The following PTPRT variants were observed in gnomAD, a reference collection of about 807,000 sequenced individuals.
PTPRT encodes receptor-type tyrosine-protein phosphatase T.
PTPRT carries 56 observed loss-of-function variants against 176.8 expected under a neutral mutation model. The ratio of observed to expected loss-of-function variants is 0.32; its 90% CI spans 0.26 to 0.40. The LOEUF (loss-of-function observed/expected upper bound fraction) is 0.40, where lower values mean the gene tolerates loss of function less well. PTPRT is among the 10% of genes least tolerant of loss of function. The pLI is 1.00. For missense variants in PTPRT, 1,540 were observed against 1,908.2 expected (o/e 0.81, Z 3.60); for synonymous variants, 783 against 739.0 (o/e 1.06, Z -0.96).
chr20:42,303,152 C>A (rs537474785), intron 12 of PTPRT, among the ~76,000 whole-genome samples: 82 of 152,288 alleles, frequency 5.4e-4, no homozygotes, highest in Admixed American at 9.1e-4. Flanking sequence ...TGCTTCCCTG[C>A]GCAGCTCTTA....
At chr20:42,193,110 G>C (rs949368490) in intron 16 of PTPRT, among the ~76,000 whole-genome samples, 2 of 152,154 alleles carry the variant, frequency 1.3e-5, no homozygotes, top group Non-Finnish European at 2.9e-5. Flanking sequence ...TGGGGTCCAG[G>C]GCCCATTATC....
intron 3 of PTPRT, among the ~76,000 whole-genome samples, chr20:42,790,322 G>A (rs208246): frequency 0.42 from 63,028 of 151,674 alleles, 14,036 homozygotes; most frequent in East Asian, 0.64. Flanking sequence ...CAATCTGTGC[G>A]CTGTGTGCAT....
intron 2 of PTPRT, among the ~76,000 whole-genome samples, chr20:42,802,346 G>A (rs913570696): frequency 6.6e-6 from 1 of 152,186 alleles, no homozygotes; most frequent in Non-Finnish European, 1.5e-5. Flanking sequence ...CCTGGGCCAC[G>A]CCCTGCCTAC....
chr20:43,176,356 C>T (rs1263689949), intron 1 of PTPRT, among the ~76,000 whole-genome samples: 1 of 152,272 alleles, frequency 6.6e-6, no homozygotes, highest in Admixed American at 6.5e-5. Context: ...TATGATTGCA[C>T]AGCAGCACAA....
chr20:42,985,675 G>T (rs1162190774), intron 1 of PTPRT, among the ~76,000 whole-genome samples: 1 of 151,536 alleles, frequency 6.6e-6, no homozygotes, highest in Non-Finnish European at 1.5e-5. Flanking sequence ...GAATGAAGGT[G>T]GTAAATACTA....
In PTPRT at chr20:42,283,976, G is replaced by A. The variant is rs536596156; in HGVS notation, c.2140-1451C>T. Among the ~76,000 whole-genome samples the A allele has an allele frequency of 1.6e-3, 244 of 152,116 alleles. 2 individuals are homozygous for A. The highest frequency in any genetic ancestry group is 6.8e-3 in the Middle Eastern group (2 of 294). ...TTGATTCTTTTCCTCAAAATGCACA[G>A]AAAGTCTGCTTTTGCTTGTGTAAAA... On this transcript the variant is annotated intron_variant, in intron 12 of 30. Coordinates refer to ENST00000373187, the MANE Select transcript of PTPRT (RefSeq NM_007050.6).
rs1491440526 is a variant in PTPRT, at chr20:42,886,049, CCA to C, written c.89-119_89-118del. On this transcript the variant is annotated intron_variant, in intron 1 of 30. Coordinates refer to ENST00000373187, the MANE Select transcript of PTPRT (RefSeq NM_007050.6). Reference sequence around the variant, plus strand: ...AATTTTAAACTCTGGAGAAGATTTTCCATATATATATATATATATATAAAAGA... The same window carrying C: ...AATTTTAAACTCTGGAGAAGATTTTCTATATATATATATATATATAAAAGA... 2.9e-3 allele frequency: 1,245 copies of C among 431,362 alleles called. 22 individuals carry two copies. The highest frequency in any genetic ancestry group is 0.027 in the African/African-American group (1,181 of 44,394). 26.7% of individuals were successfully genotyped at this position (431,362 alleles called of 1,614,324 possible).
At position 43,149,739 on chromosome 20, in the gene PTPRT, G is replaced by A. The variant is rs561329478; in HGVS notation, c.88+39907C>T. Among the ~76,000 whole-genome samples the A allele has an allele frequency of 3.9e-5, 6 of 152,318 alleles. No homozygotes were observed. The South Asian group carries it at 6.2e-4, about 16-fold the overall frequency. ...TGTCACGTGGTAGATGGTTCCTGCCGTAACAGCATAAATCATAACCCTCAT... is the reference window on the plus strand; with the variant it reads ...TGTCACGTGGTAGATGGTTCCTGCCATAACAGCATAAATCATAACCCTCAT... On this transcript the variant is annotated intron_variant, in intron 1 of 30. Coordinates refer to ENST00000373187, the MANE Select transcript of PTPRT (RefSeq NM_007050.6).
chr20:42,292,451 T>C (rs1450696032), intron 12 of PTPRT, among the ~76,000 whole-genome samples: 1 of 152,064 alleles, frequency 6.6e-6, no homozygotes, highest in Non-Finnish European at 1.5e-5. Context: ...TCTTGTCTCA[T>C]ACCTACTTAG....
intron 12 of PTPRT, among the ~76,000 whole-genome samples, chr20:42,308,132 CT>C (rs34514675): frequency 2.2e-4 from 33 of 151,006 alleles, no homozygotes; most frequent in African/African-American, 4.1e-4. Flanking sequence ...TAATCCACCC[CT>C]TTTTTTTTAG....
chr20:42,147,681 G>A (rs936353736), intron 17 of PTPRT, among the ~76,000 whole-genome samples: 8 of 152,098 alleles, frequency 5.3e-5, no homozygotes, highest in Non-Finnish European at 1.0e-4. Context: ...ATCCTAAACC[G>A]AACAAAACAG....
chr20:42,358,124 C>T (rs1410210885), intron 9 of PTPRT, among the ~76,000 whole-genome samples: 1 of 149,540 alleles, frequency 6.7e-6, no homozygotes, highest in African/African-American at 2.4e-5. Context: ...AATAATAATG[C>T]ACTGAAGTGA....
intron 11 of PTPRT, among the ~76,000 whole-genome samples, chr20:42,331,460 T>C (rs2057963319): frequency 6.6e-6 from 1 of 151,946 alleles, no homozygotes; most frequent in African/African-American, 2.4e-5. Flanking sequence ...AAATCAATTA[T>C]CTTCAAAAAG....
chr20:42,505,053 A>C (rs2145430381), intron 7 of PTPRT, among the ~76,000 whole-genome samples: 1 of 151,482 alleles, frequency 6.6e-6, no homozygotes, highest in African/African-American at 2.4e-5. Context: ...ACCCCCTATA[A>C]AAAAGGCACT....
At chr20:42,519,298 T>G (rs553959667) in intron 7 of PTPRT, among the ~76,000 whole-genome samples, 1 of 152,170 alleles carries the variant, frequency 6.6e-6, no homozygotes, top group Non-Finnish European at 1.5e-5. Context: ...GGTTTTTGTA[T>G]GTATTCCTTT....
rs150688894 is a variant in PTPRT at position 42,090,565 on chromosome 20, T to C, written c.3847-4712A>G. Among the ~76,000 whole-genome samples the C allele has an allele frequency of 4.6e-5, 7 of 152,306 alleles. No homozygotes were observed. The East Asian group carries it at 1.2e-3, about 25-fold the overall frequency. Reference sequence around the variant, plus strand: ...TAGCATGTAAAATGCATACTGTGCATGTATTTCTTGCAGAAACCAGCAAGA... The same window carrying C: ...TAGCATGTAAAATGCATACTGTGCACGTATTTCTTGCAGAAACCAGCAAGA... On this transcript the variant is annotated intron_variant, in intron 27 of 30. Coordinates refer to ENST00000373187, the MANE Select transcript of PTPRT (RefSeq NM_007050.6).
At chr20:42,373,072 C>T (rs6130117) in intron 9 of PTPRT, among the ~76,000 whole-genome samples, 21,133 of 152,194 alleles carry the variant, frequency 0.14, 1,656 homozygotes, top group African/African-American at 0.21. Context: ...ATGGAGGACA[C>T]GCACATTTTG....
chr20:42,634,737 A>T (rs756094539), intron 7 of PTPRT, among the ~76,000 whole-genome samples: 6 of 152,146 alleles, frequency 3.9e-5, no homozygotes, highest in Non-Finnish European at 8.8e-5. Context: ...TTTTAGAGAG[A>T]TGAAAAAGAT....
chr20:43,056,119 T>C (rs1987224020), intron 1 of PTPRT, among the ~76,000 whole-genome samples: 1 of 152,080 alleles, frequency 6.6e-6, no homozygotes, highest in South Asian at 2.1e-4. Flanking sequence ...AAACCTGAAC[T>C]CTTGGGTCCC....
Sources: gnomAD v4.1 joint callset for allele counts (sites outside exome capture counted in the v4.1 genomes callset) on GRCh38, gnomAD v4.1.1 for gene constraint, MANE v1.5 for transcripts, NCBI Gene and HGNC (gene_info 2026-07-23, HGNC 2026-07-21) for gene names.